Variants in PCDHGC3 observed in about 807,000 individuals in gnomAD.
The protein encoded by PCDHGC3 is protocadherin gamma-C3.
In PCDHGC3, 26 loss-of-function variants were observed where a neutral mutation model predicts 59.2. That is an observed-to-expected ratio of 0.44 (90% CI 0.32 to 0.61). The LOEUF (loss-of-function observed/expected upper bound fraction) is 0.61. PCDHGC3 is among the 20% of genes least tolerant of loss of function. The probability of loss-of-function intolerance (pLI) is 0.05; values close to 1 mark genes in which losing one functional copy is unlikely to be tolerated. For synonymous variants in PCDHGC3, 487 were observed against 519.7 expected (o/e 0.94, Z 0.86); for missense variants, 1,080 against 1,221.8 (o/e 0.88, Z 1.73).
At chr5:141,481,811 G>A (rs1050821120) in intron 1 of PCDHGC3, among the ~76,000 whole-genome samples, 1 of 151,892 alleles carries the variant, frequency 6.6e-6, no homozygotes. Context: ...AATTCACCAG[G>A]CGTGGTGGCT....
chr5:141,491,316 T>C lies in PCDHGC3; in HGVS notation c.2431-3491T>C. The C allele has an allele frequency of 3.1e-6, 5 of 1,614,176 alleles. No homozygotes were observed. The highest frequency in any genetic ancestry group is 3.4e-6 in the Non-Finnish European group (4 of 1,180,004). ...CTCCTGAGCGTTCAGACCTTACCCT[T>C]TACCTCATTGTGGCTCTAGCGACCG... is the stretch of plus-strand genomic sequence containing the variant. On this transcript the variant is annotated intron_variant, in intron 1 of 3. Coordinates refer to ENST00000308177, the MANE Select transcript of PCDHGC3 (RefSeq NM_002588.4). The surrounding 1 kb of genome is among the most constrained non-coding windows in gnomAD (Gnocchi z 6.9).
At chr5:141,497,212 G>C (rs968445663) in intron 2 of PCDHGC3, among the ~76,000 whole-genome samples, 2 of 151,018 alleles carry the variant, frequency 1.3e-5, no homozygotes, top group East Asian at 3.9e-4. Context: ...AGTGTAATGG[G>C]GGGGGGAAGA....
rs776211508 is a variant in PCDHGC3, at chr5:141,491,001, C to T, written c.2431-3806C>T. On this transcript the variant is annotated intron_variant, in intron 1 of 3. Transcript: ENST00000308177. The surrounding 1 kb of genome is among the most constrained non-coding windows in gnomAD (Gnocchi z 6.9). The stretch of plus-strand genomic sequence containing the variant: ...TCCCTCGCTCTGCTCCTCCTGGCTC[C>T]TTGGTCACCAAGGTGACAGCCGTGG... The T allele has an allele frequency of 6.2e-7, 1 of 1,614,140 alleles. No individual in the cohort carries two copies. Among genetic ancestry groups the T allele is most frequent in the Non-Finnish European group, 8.5e-7 (1 of 1,180,044 alleles).
At position 141,487,507 on chromosome 5, in the gene PCDHGC3, A is replaced by C; in HGVS notation, c.2431-7300A>C. 6.2e-7 allele frequency: 1 copy of C among 1,614,138 alleles called. No individual in the cohort carries two copies. Among genetic ancestry groups the C allele is most frequent in the Non-Finnish European group, 8.5e-7 (1 of 1,180,028 alleles). On this transcript the variant is annotated intron_variant, in intron 1 of 3. Coordinates refer to ENST00000308177, the MANE Select transcript of PCDHGC3 (RefSeq NM_002588.4). This position sits in a 1 kb window ranked among gnomAD's most constrained non-coding sequence, Gnocchi z 5.0. ...ATGGCTGTACACCCTTGGCTTCTGC[A>C]CCCACTCGGAGTGATAGCTTCATGA...
At position 141,502,349 on chromosome 5, in the gene PCDHGC3, T is replaced by C. The variant is rs369766657; in HGVS notation, c.2490-3044T>C. 1.3e-3 allele frequency among the ~76,000 whole-genome samples: 200 copies of C among 152,292 alleles called. 3 individuals carry two copies. In the South Asian group the frequency reaches 0.034, roughly 26 times the overall value. On this transcript the variant is annotated intron_variant, in intron 2 of 3. Transcript: ENST00000308177. ...GCTCCCAGTCTTTTTATTTTTTTAA[T>C]GACATGGATATTTTTAAAGAGTCCA...
chr5:141,485,497 T>C lies in PCDHGC3; in HGVS notation c.2430+6951T>C, dbSNP rs1594488328. On this transcript the variant is annotated intron_variant, in intron 1 of 3. Coordinates refer to ENST00000308177, the MANE Select transcript of PCDHGC3 (RefSeq NM_002588.4). The surrounding 1 kb of genome is among the most constrained non-coding windows in gnomAD (Gnocchi z 5.7). ...CCAGCTGCATCGTGCCCCTGGAGTT[T>C]GTCACCGAAGGTCCTTTGGAAATGT... 6.2e-7 allele frequency: 1 copy of C among 1,614,112 alleles called. No homozygotes were observed. The highest frequency in any genetic ancestry group is 1.3e-5 in the African/African-American group (1 of 74,998).
intron 2 of PCDHGC3, among the ~76,000 whole-genome samples, chr5:141,498,618 G>A (rs191513899): frequency 1.3e-5 from 2 of 152,220 alleles, no homozygotes; most frequent in East Asian, 3.9e-4. Context: ...TCAGCACTGG[G>A]TCACACTGCC....
At position 141,509,122 on chromosome 5, in the gene PCDHGC3, G is replaced by A. The variant is rs2099875312; in HGVS notation, c.2579-1825G>A. 2.0e-5 allele frequency among the ~76,000 whole-genome samples: 3 copies of A among 152,154 alleles called. No homozygotes were observed. In the South Asian group the frequency reaches 6.2e-4, roughly 32 times the overall value. The stretch of plus-strand genomic sequence containing the variant: ...AGAAACCTGAGCGCTGGTGCGTGAA[G>A]AGAAAAACCGAGGCGCATCCCGGCT... On this transcript the variant is annotated intron_variant, in intron 3 of 3. Transcript: ENST00000308177.
At position 141,490,448 on chromosome 5, in the gene PCDHGC3, A is replaced by C. The variant is rs1309104827; in HGVS notation, c.2431-4359A>C. 1 of 1,614,206 alleles carries C rather than the reference A, an allele frequency of 6.2e-7. No homozygotes were observed. Among genetic ancestry groups the C allele is most frequent in the Admixed American group, 1.7e-5 (1 of 60,030 alleles). ...TTTCAGATTAAGCCTTCTGAGAACC[A>C]CTACTCGCTGCTAACCAGCCAGCCT... is the stretch of plus-strand genomic sequence containing the variant. On this transcript the variant is annotated intron_variant, in intron 1 of 3. Coordinates refer to ENST00000308177, the MANE Select transcript of PCDHGC3 (RefSeq NM_002588.4). This position sits in a 1 kb window ranked among gnomAD's most constrained non-coding sequence, Gnocchi z 5.4.
rs1562129544 is a variant in PCDHGC3 at position 141,489,362 on chromosome 5, C to G, written c.2431-5445C>G. ...TACTCAGTGGTGGAGGAGTCTGAGC[C>G]GGGGACGCTGGTGGGGAATGTTGCT... On this transcript the variant is annotated intron_variant, in intron 1 of 3. Transcript: ENST00000308177. This position sits in a 1 kb window ranked among gnomAD's most constrained non-coding sequence, Gnocchi z 4.5. 6.2e-7 allele frequency: 1 copy of G among 1,613,052 alleles called. No individual in the cohort carries two copies. Among genetic ancestry groups the G allele is most frequent in the Non-Finnish European group, 8.5e-7 (1 of 1,179,268 alleles).
At position 141,491,613 on chromosome 5, in the gene PCDHGC3, A is replaced by AC; in HGVS notation, c.2431-3190dup. On this transcript the variant is annotated intron_variant, in intron 1 of 3. Coordinates refer to ENST00000308177, the MANE Select transcript of PCDHGC3 (RefSeq NM_002588.4). The surrounding 1 kb of genome is among the most constrained non-coding windows in gnomAD (Gnocchi z 6.9). Reference sequence around the variant, plus strand: ...ACGGCAGTGACTTCACTTTTCTAAGACCCCTCAGCGTTCAGCAGCCCACAG... The same window carrying AC: ...ACGGCAGTGACTTCACTTTTCTAAGACCCCCTCAGCGTTCAGCAGCCCACAG... 6.2e-7 allele frequency: 1 copy of AC among 1,613,568 alleles called. No homozygotes were observed. Among genetic ancestry groups the AC allele is most frequent in the Non-Finnish European group, 8.5e-7 (1 of 1,179,968 alleles).
chr5:141,490,960 T>C lies in PCDHGC3; in HGVS notation c.2431-3847T>C. 1.9e-6 allele frequency: 3 copies of C among 1,613,794 alleles called. No homozygotes were observed. The highest frequency in any genetic ancestry group is 2.2e-5 in the South Asian group (2 of 91,030). On this transcript the variant is annotated intron_variant, in intron 1 of 3. Transcript: ENST00000308177. The surrounding 1 kb of genome is among the most constrained non-coding windows in gnomAD (Gnocchi z 5.4). ...GCACCCACGGCCAGACTGGGAACACTCAGCCCCCCAGCGTCTCCCTCGCTC... is the reference window on the plus strand; with the variant it reads ...GCACCCACGGCCAGACTGGGAACACCCAGCCCCCCAGCGTCTCCCTCGCTC...
intron 2 of PCDHGC3, among the ~76,000 whole-genome samples, chr5:141,499,796 C>T (rs2099794539): frequency 6.6e-6 from 1 of 150,412 alleles, no homozygotes; most frequent in South Asian, 2.1e-4. Context: ...AAGCAATTCT[C>T]ATGCTTCAGC....
intron 3 of PCDHGC3, among the ~76,000 whole-genome samples, chr5:141,508,792 CT>C (rs1475631459): frequency 6.6e-6 from 1 of 152,130 alleles, no homozygotes; most frequent in Non-Finnish European, 1.5e-5. Flanking sequence ...CTAAATCACT[CT>C]GGAATCCTGG....
chr5:141,484,958 G>C (rs2099604320), intron 1 of PCDHGC3: 1 of 575,756 alleles, frequency 1.7e-6, no homozygotes, highest in Non-Finnish European at 3.1e-6. Flanking sequence ...TATTGGCTGA[G>C]CCCGGGAGCC....
Position 141,491,197 on chromosome 5 carries a change from G to A in PCDHGC3, c.2431-3610G>A. Reference sequence around the variant, plus strand: ...GGTGGTCCTGGTGAGGGACAATGGTGACCCTTCACTCTCCTCCACAGCCAC... The same window carrying A: ...GGTGGTCCTGGTGAGGGACAATGGTAACCCTTCACTCTCCTCCACAGCCAC... On this transcript the variant is annotated intron_variant, in intron 1 of 3. Coordinates refer to ENST00000308177, the MANE Select transcript of PCDHGC3 (RefSeq NM_002588.4). The surrounding 1 kb of genome is among the most constrained non-coding windows in gnomAD (Gnocchi z 6.9). 6.2e-7 allele frequency: 1 copy of A among 1,614,190 alleles called. No individual in the cohort carries two copies. The highest frequency in any genetic ancestry group is 8.5e-7 in the Non-Finnish European group (1 of 1,180,024).
rs1348297963 is a variant in PCDHGC3, at chr5:141,487,103, G to A, written c.2431-7704G>A. 6.2e-7 allele frequency: 1 copy of A among 1,614,124 alleles called. No individual in the cohort carries two copies. Among genetic ancestry groups the A allele is most frequent in the Non-Finnish European group, 8.5e-7 (1 of 1,180,000 alleles). On this transcript the variant is annotated intron_variant, in intron 1 of 3. Coordinates refer to ENST00000308177, the MANE Select transcript of PCDHGC3 (RefSeq NM_002588.4). The surrounding 1 kb of genome is among the most constrained non-coding windows in gnomAD (Gnocchi z 5.0). ...AGCTGACCTCCCACCACAGAAGCTG[G>A]TCATTGTGGTAAAGGATAGTGGTAG...
In PCDHGC3 at chr5:141,511,345, TCC is replaced by T; in HGVS notation, c.*178_*179del. 1 of 1,410,484 alleles carries T rather than the reference TCC, an allele frequency of 7.1e-7. No homozygotes were observed. The highest frequency in any genetic ancestry group is 9.4e-7 in the Non-Finnish European group (1 of 1,060,658). The allele number at this position is 1,410,484 out of a possible 1,614,324, so 87.4% of individuals were successfully genotyped here. On this transcript the variant is annotated 3_prime_UTR_variant, in exon 4 of 4. Coordinates refer to ENST00000308177, the MANE Select transcript of PCDHGC3 (RefSeq NM_002588.4). ...AAGTGCCCAGTCAGCACCTACCCCT[TCC>T]CCCCCAGGGGGTTGAATATGCAAAA... is the stretch of plus-strand genomic sequence containing the variant.
chr5:141,485,314 T>G lies in PCDHGC3; in HGVS notation c.2430+6768T>G. Reference sequence around the variant, plus strand: ...CACAGGAAGGGACTTTTGTAGGGAATGTCGCTCAAGATTTCCTGCTGGATA... The same window carrying G: ...CACAGGAAGGGACTTTTGTAGGGAAGGTCGCTCAAGATTTCCTGCTGGATA... On this transcript the variant is annotated intron_variant, in intron 1 of 3. Coordinates refer to ENST00000308177, the MANE Select transcript of PCDHGC3 (RefSeq NM_002588.4). This position sits in a 1 kb window ranked among gnomAD's most constrained non-coding sequence, Gnocchi z 5.7. 1 of 1,614,150 alleles carries G rather than the reference T, an allele frequency of 6.2e-7. No individual in the cohort carries two copies. The highest frequency in any genetic ancestry group is 8.5e-7 in the Non-Finnish European group (1 of 1,180,032).
Sources: allele counts gnomAD v4.1 joint callset (sites outside exome capture counted in the v4.1 genomes callset), GRCh38; gene constraint gnomAD v4.1.1; non-coding constraint Gnocchi (gnomAD v3.1); transcripts MANE v1.5; gene names NCBI Gene and HGNC (gene_info 2026-07-23, HGNC 2026-07-21).